KCTD15: variants seen among roughly 807,000 people sequenced by gnomAD.
KCTD15 encodes the protein potassium channel tetramerization domain containing 15.
KCTD15 carries 11 observed loss-of-function variants against 27.2 expected under a neutral mutation model. That is an observed-to-expected ratio of 0.41 (90% confidence interval 0.25 to 0.67). KCTD15 has a LOEUF of 0.67. Among genes scored for constraint, KCTD15 ranks in the 30% least tolerant of loss-of-function variants. The probability of loss-of-function intolerance (pLI) is 0.35; values close to 1 mark genes in which losing one functional copy is unlikely to be tolerated. For synonymous variants in KCTD15, 163 were observed against 176.0 expected (o/e 0.93, Z 0.58); for missense variants, 350 against 409.3 (o/e 0.86, Z 1.25).
At chr19:33,798,381 A>G (rs1233008604) in intron 1 of KCTD15, 1 of 152,214 alleles carries the variant, frequency 6.6e-6, no homozygotes, top group African/African-American at 2.4e-5. Flanking sequence ...ATGGGACACA[A>G]AATCATTTTG....
rs558140280 is a variant in KCTD15 at position 33,811,511 on chromosome 19, C to G, written c.652C>G (p.Arg218Gly). The G allele has an allele frequency of 1.9e-6, 3 of 1,610,158 alleles. No homozygotes were observed. Among genetic ancestry groups the G allele is most frequent in the South Asian group, 1.1e-5 (1 of 90,992 alleles). The part of the protein sequence containing the change: ...GWNQDPTHVI[R>G]FPLNGYCRLN... Reference sequence around the variant, plus strand: ...GAACCAGGACCCCACGCACGTCATCCGCTTCCCGCTCAATGGCTACTGCCG... The same window carrying G: ...GAACCAGGACCCCACGCACGTCATCGGCTTCCCGCTCAATGGCTACTGCCG... The change falls in exon 6 of 7, where the codon CGC becomes GGC. Residue 218 changes from arginine (R) to glycine (G), a missense_variant. Physicochemically the swap from Arg to Gly is moderately radical, Grantham distance 125 (BLOSUM62 -2). Around this residue, in one of 3 missense-constraint regions of KCTD15, gnomAD observed 219 missense variants for 234.9 expected, o/e 0.93. Coordinates refer to ENST00000683859, the MANE Select transcript of KCTD15 (RefSeq NM_001129994.2).
At position 33,796,933 on chromosome 19, in the gene KCTD15, A is replaced by T. The variant is rs1266540969; in HGVS notation, c.-181A>T. ...GGCGAAGCTGCGCCCGGCGCCCGAG[A>T]CCGGCAGCTGCGTGGGGCGGGGGCT... On this transcript the variant is annotated 5_prime_UTR_variant, in exon 1 of 7. Transcript: ENST00000683859. 6.6e-6 allele frequency: 1 copy of T among 151,790 alleles called. No individual in the cohort carries two copies. The highest frequency in any genetic ancestry group is 2.0e-4 in the East Asian group (1 of 5,098). 9.4% of individuals were successfully genotyped at this position (151,790 alleles called of 1,614,324 possible).
At chr19:33,809,548 G>A (rs920304306) in intron 5 of KCTD15, among the ~76,000 whole-genome samples, 2 of 151,988 alleles carry the variant, frequency 1.3e-5, no homozygotes, top group Non-Finnish European at 2.9e-5. Flanking sequence ...CAAAAGATGG[G>A]GTTGTCTGTC....
chr19:33,804,199 C>T (rs1568378819), intron 4 of KCTD15, among the ~76,000 whole-genome samples: 1 of 152,248 alleles, frequency 6.6e-6, no homozygotes, highest in Non-Finnish European at 1.5e-5. Flanking sequence ...GCATGAAAGG[C>T]CTCTGTCCTG....
At chr19:33,811,654 A>G in intron 6 of KCTD15, 102 bp downstream of exon 6, 1 of 1,512,326 alleles carries the variant, frequency 6.6e-7, no homozygotes, top group Middle Eastern at 1.8e-4. Flanking sequence ...TGAAACGGTG[A>G]AGCCCCCCGT....
chr19:33,794,882 C>G (rs1975269292), upstream of KCTD15, among the ~76,000 whole-genome samples: 2 of 152,246 alleles, frequency 1.3e-5, no homozygotes, highest in South Asian at 2.1e-4. Flanking sequence ...CGGGCCGGGC[C>G]GGGCCTGGCC....
intron 4 of KCTD15, 23 bp from the exon 5 acceptor site, chr19:33,806,840 C>T: frequency 6.2e-7 from 1 of 1,610,210 alleles, no homozygotes; most frequent in Non-Finnish European, 8.5e-7. Flanking sequence ...CTTCAGACAT[C>T]CCACCTCGCC....
chr19:33,797,080 A>G lies in KCTD15; in HGVS notation c.-127+93A>G, dbSNP rs1459347885. On this transcript the variant is annotated intron_variant, in intron 1 of 6. Transcript: ENST00000683859. ...AGAAAGTCGCCCGGCCAGGGTCTGGACCTGGGCGGGGGCGGCCGCTTTGTC... is the reference window on the plus strand; with the variant it reads ...AGAAAGTCGCCCGGCCAGGGTCTGGGCCTGGGCGGGGGCGGCCGCTTTGTC... 4 of 161,238 alleles carry G rather than the reference A, an allele frequency of 2.5e-5. No homozygotes were observed. In the Admixed American group the frequency reaches 2.6e-4, roughly 10 times the overall value. The allele number at this position is 161,238 out of a possible 1,614,324, so 10.0% of individuals were successfully genotyped here. A position where few individuals can be genotyped will look rare whatever the true frequency, so the allele number is the denominator to read the frequency against.
rs1043716102 is a variant in KCTD15 at position 33,811,156 on chromosome 19, G to T, written c.388-91G>T. ...TGCGAGTCGCAGTTCCTGCAGAATT[G>T]GTTGGAACCGGCAGGCCGCCTCCCC... On this transcript the variant is annotated intron_variant, in intron 5 of 6. Transcript: ENST00000683859. 10 of 1,099,892 alleles carry T rather than the reference G, an allele frequency of 9.1e-6. No homozygotes were observed. In the African/African-American group the frequency reaches 1.3e-4, roughly 14 times the overall value. The allele number at this position is 1,099,892 out of a possible 1,614,324, so 68.1% of individuals were successfully genotyped here.
In KCTD15 at chr19:33,811,436, G is replaced by C; in HGVS notation, c.577G>C (p.Val193Leu). The C allele has an allele frequency of 1.2e-6, 2 of 1,612,680 alleles. No homozygotes were observed. Among genetic ancestry groups the C allele is most frequent in the Non-Finnish European group, 1.7e-6 (2 of 1,179,738 alleles). Reference sequence around the variant, plus strand: ...CGGCGAGAAGGCCCTCATCGAGGAGGTCTTCCCCGAGACCGGAGACGTCAT... The same window carrying C: ...CGGCGAGAAGGCCCTCATCGAGGAGCTCTTCCCCGAGACCGGAGACGTCAT... ...LSGEKALIEE[V>L]FPETGDVMCN... is the part of the protein sequence containing the mutation. The change falls in exon 6 of 7, where the codon GTC (valine) becomes CTC (leucine). Residue 193 changes from valine to leucine, a missense_variant. Around this residue, in one of 3 missense-constraint regions of KCTD15, gnomAD observed 219 missense variants for 234.9 expected, o/e 0.93. Coordinates refer to ENST00000683859, the MANE Select transcript of KCTD15 (RefSeq NM_001129994.2).
At chr19:33,799,953 G>A (rs1208799013) in intron 2 of KCTD15, among the ~76,000 whole-genome samples, 2 of 152,190 alleles carry the variant, frequency 1.3e-5, no homozygotes, top group Non-Finnish European at 2.9e-5. Context: ...TCACCATGGG[G>A]ATGGTATTAA....
At chr19:33,796,225 C>T (rs1169883794), upstream of KCTD15, 2 of 150,776 alleles carry the variant, frequency 1.3e-5, no homozygotes, top group Non-Finnish European at 3.0e-5. Context: ...TCCCCCGCCC[C>T]CTCCCCGAGC....
At position 33,813,605 on chromosome 19, in the gene KCTD15, A is replaced by ATGATACGGCGC; in HGVS notation, c.*657_*658insTGATACGGCGC. 1 of 321,842 alleles carries ATGATACGGCGC rather than the reference A, an allele frequency of 3.1e-6. No homozygotes were observed. Among genetic ancestry groups the ATGATACGGCGC allele is most frequent in the Non-Finnish European group, 6.1e-6 (1 of 163,294 alleles). 19.9% of individuals were successfully genotyped at this position (321,842 alleles called of 1,614,324 possible). A position where few individuals can be genotyped will look rare whatever the true frequency, so the allele number is the denominator to read the frequency against. On this transcript the variant is annotated 3_prime_UTR_variant, in exon 7 of 7. Transcript: ENST00000683859. ...GGCCTGAGGGCTGAGTGATTCTGTA[A>ATGATACGGCGC]CCACCTGAGACCTTCACGTTTGCTG... is the stretch of plus-strand genomic sequence containing the variant.
At position 33,815,043 on chromosome 19, in the gene KCTD15, A is replaced by G. The variant is rs376017064; in HGVS notation, c.*2095A>G. 2 of 152,222 alleles carry G rather than the reference A, an allele frequency of 1.3e-5. No homozygotes were observed. Among genetic ancestry groups the G allele is most frequent in the East Asian group, 3.8e-4 (2 of 5,202 alleles). 9.4% of individuals were successfully genotyped at this position (152,222 alleles called of 1,614,324 possible). On this transcript the variant is annotated 3_prime_UTR_variant, in exon 7 of 7. Transcript: ENST00000683859. ...GAGTGGAGGAGAAAGTGTTGTGTTT[A>G]TTAGCAGGAAGTCTTGTGAAAACAG...
At chr19:33,812,625 C>G in intron 6 of KCTD15, 165 bp from the exon 7 acceptor site, 1 of 1,296,040 alleles carries the variant, frequency 7.7e-7, no homozygotes, top group Non-Finnish European at 9.8e-7. Context: ...GTGGTGGAAC[C>G]CAGCACGTGG....
At chr19:33,801,019 C>T in intron 3 of KCTD15, 148 bp from the exon 4 acceptor site, 1 of 685,120 alleles carries the variant, frequency 1.5e-6, no homozygotes, top group East Asian at 2.7e-5. Context: ...CATAATTTGT[C>T]AGCTGAATAT....
rs749474234 is a variant in KCTD15, at chr19:33,801,412, G to C, written c.242+70G>C. On this transcript the variant is annotated intron_variant, in intron 4 of 6. Coordinates refer to ENST00000683859, the MANE Select transcript of KCTD15 (RefSeq NM_001129994.2). ...CAGCATCTGTAATCTGCTGCCTAGG[G>C]GGTGGGGTCTCTCCCCACTGTCACT... 164 of 1,385,208 alleles carry C rather than the reference G, an allele frequency of 1.2e-4. No homozygotes were observed. The Middle Eastern group carries it at 2.2e-3, about 19-fold the overall frequency. The allele number at this position is 1,385,208 out of a possible 1,614,324, so 85.8% of individuals were successfully genotyped here.
In KCTD15 at chr19:33,800,482, G is replaced by A. The variant is rs200301518; in HGVS notation, c.28G>A (p.Gly10Arg). The change falls in exon 3 of 7, where the codon GGG becomes AGG. Residue 10 changes from glycine (G) to arginine (R), a missense_variant. Gly to Arg is a moderately radical substitution (Grantham distance 125, BLOSUM62 -2). Transcript: ENST00000683859. ...GCCTCACCGCAAGGAGCGGCCGAGCGGGTCCTCGCTTCACACACACGGCAG... is the reference window on the plus strand; with the variant it reads ...GCCTCACCGCAAGGAGCGGCCGAGCAGGTCCTCGCTTCACACACACGGCAG... MPHRKERPS[G>R]SSLHTHGSTG... The A allele has an allele frequency of 4.5e-5, 73 of 1,605,620 alleles. No individual in the cohort carries two copies. The Admixed American group carries it at 1.1e-3, about 24-fold the overall frequency.
Position 33,812,981 on chromosome 19 carries a change from G to A in KCTD15, c.*33G>A, listed in dbSNP as rs1975977903. 2 of 1,521,732 alleles carry A rather than the reference G, an allele frequency of 1.3e-6. No individual in the cohort carries two copies. The highest frequency in any genetic ancestry group is 1.8e-6 in the Non-Finnish European group (2 of 1,134,926). The allele number at this position is 1,521,732 out of a possible 1,614,324, so 94.3% of individuals were successfully genotyped here. ...TTCAGTGCCCACCTGGGCCCCCCCA[G>A]GGACCTGGAAACAGTGCTGGGGAGT... On this transcript the variant is annotated 3_prime_UTR_variant, in exon 7 of 7. Transcript: ENST00000683859.
Sources: gnomAD v4.1 joint callset for allele counts (sites outside exome capture counted in the v4.1 genomes callset) on GRCh38, gnomAD v4.1.1 for gene constraint, gnomAD v4.1.1 regional missense constraint, MANE v1.5 for transcripts, NCBI Gene and HGNC (gene_info 2026-07-23, HGNC 2026-07-21) for gene names.